The following EMCN variants were observed in gnomAD, a reference collection of about 807,000 sequenced individuals.
EMCN encodes the protein endomucin, also known as MUC-14.
EMCN carries 37 observed loss-of-function variants against 38.4 expected under a neutral mutation model. That is an observed-to-expected ratio of 0.96 (90% CI 0.74 to 1.27). EMCN has a LOEUF of 1.27. Among genes scored for constraint, EMCN ranks in the 50% most tolerant of loss-of-function variants. The pLI, the probability that EMCN is intolerant of heterozygous loss-of-function variation, is 0.00. For synonymous variants in EMCN, 95 were observed against 100.8 expected (o/e 0.94, Z 0.35); for missense variants, 318 against 302.8 (o/e 1.05, Z -0.37).
chr4:100,420,866 G>A (rs982703320), intron 8 of EMCN, among the ~76,000 whole-genome samples: 3 of 151,946 alleles, frequency 2.0e-5, no homozygotes, highest in Non-Finnish European at 4.4e-5. Context: ...TCCCAGGAGG[G>A]AAATTAGTCA....
intron 5 of EMCN, among the ~76,000 whole-genome samples, chr4:100,426,763 C>T (rs1279015060): frequency 6.6e-6 from 1 of 152,012 alleles, no homozygotes; most frequent in South Asian, 2.1e-4. Flanking sequence ...TTTTGGGAAG[C>T]CTAACTCTTC....
At chr4:100,475,224 T>C (rs894892028) in intron 2 of EMCN, 115 bp from the exon 3 acceptor site, 5 of 446,218 alleles carry the variant, frequency 1.1e-5, no homozygotes, top group Non-Finnish European at 2.0e-5. Context: ...CTATCTTTAA[T>C]TTTTCCCATT....
At chr4:100,463,898 C>G (rs930423931) in intron 4 of EMCN, among the ~76,000 whole-genome samples, 1 of 151,962 alleles carries the variant, frequency 6.6e-6, no homozygotes, top group African/African-American at 2.4e-5. Context: ...ATTCCAGGTC[C>G]TTTTTATTTC....
At chr4:100,502,986 A>C (rs1729390561) in intron 1 of EMCN, among the ~76,000 whole-genome samples, 1 of 152,130 alleles carries the variant, frequency 6.6e-6, no homozygotes, top group South Asian at 2.1e-4. Context: ...ATCTTTTTTC[A>C]TAATGGGATT....
At chr4:100,430,545 C>T (rs1251313010) in intron 5 of EMCN, among the ~76,000 whole-genome samples, 1 of 152,070 alleles carries the variant, frequency 6.6e-6, no homozygotes, top group Non-Finnish European at 1.5e-5. Context: ...TAAAGCGTGT[C>T]GTAGAGTTCA....
intron 2 of EMCN, among the ~76,000 whole-genome samples, chr4:100,475,835 G>A (rs561718161): frequency 2.0e-5 from 3 of 151,616 alleles, no homozygotes; most frequent in Non-Finnish European, 4.4e-5. Context: ...CCGCCACCAC[G>A]CCCGGCTAAT....
intron 4 of EMCN, among the ~76,000 whole-genome samples, chr4:100,454,811 G>T (rs1327106291): frequency 6.6e-6 from 1 of 151,968 alleles, no homozygotes; most frequent in African/African-American, 2.4e-5. Context: ...CTTTATCCCC[G>T]ATAAAACTCC....
At chr4:100,453,008 A>G (rs1027992068) in intron 4 of EMCN, among the ~76,000 whole-genome samples, 3 of 152,146 alleles carry the variant, frequency 2.0e-5, no homozygotes, top group African/African-American at 4.8e-5. Flanking sequence ...CCTTCCTTAC[A>G]TCTTATACAG....
At chr4:100,490,420 T>C (rs1233493049) in intron 1 of EMCN, among the ~76,000 whole-genome samples, 1 of 152,180 alleles carries the variant, frequency 6.6e-6, no homozygotes, top group Non-Finnish European at 1.5e-5. Flanking sequence ...ATACAGTGTT[T>C]ATACAGTCTA....
chr4:100,433,181 T>G (rs1355761003), intron 5 of EMCN, among the ~76,000 whole-genome samples: 1 of 152,220 alleles, frequency 6.6e-6, no homozygotes, highest in Non-Finnish European at 1.5e-5. Flanking sequence ...ATCTGAATTT[T>G]TCTTTTAGAT....
intron 4 of EMCN, among the ~76,000 whole-genome samples, chr4:100,456,992 T>C (rs1728035234): frequency 6.6e-6 from 1 of 152,194 alleles, no homozygotes. Flanking sequence ...TATGATAACG[T>C]AAAATTTTTA....
In EMCN at chr4:100,447,581, G is replaced by GA; in HGVS notation, c.377-11dup. On this transcript the variant is annotated splice_polypyrimidine_tract_variant and intron_variant, in intron 4 of 11. Transcript: ENST00000296420. ...GAACTCTGAGTTTCAGCTTTAGAAG[G>GA]AAAAAAAGAAAAAAAATCAGTACAA... 2 of 1,538,846 alleles carry GA rather than the reference G, an allele frequency of 1.3e-6. No individual in the cohort carries two copies. The highest frequency in any genetic ancestry group is 1.8e-6 in the Non-Finnish European group (2 of 1,119,624).
intron 11 of EMCN, among the ~76,000 whole-genome samples, chr4:100,405,524 T>C (rs1208963828): frequency 6.6e-6 from 1 of 152,156 alleles, no homozygotes; most frequent in Non-Finnish European, 1.5e-5. Flanking sequence ...ATTGCACTTA[T>C]TGATTTATGT....
intron 5 of EMCN, 98 bp downstream of exon 5, chr4:100,447,435 A>G (rs1727705933): frequency 2.4e-6 from 2 of 841,978 alleles, no homozygotes; most frequent in Non-Finnish European, 3.9e-6. Flanking sequence ...CCCTTGTGCT[A>G]TTTCTCCCTG....
At chr4:100,432,682 T>G (rs1303224576) in intron 5 of EMCN, among the ~76,000 whole-genome samples, 1 of 152,192 alleles carries the variant, frequency 6.6e-6, no homozygotes, top group African/African-American at 2.4e-5. Flanking sequence ...TTTTCTCATG[T>G]TAAGCATCAT....
intron 3 of EMCN, among the ~76,000 whole-genome samples, chr4:100,467,538 C>T (rs1415070464): frequency 1.3e-5 from 2 of 151,898 alleles, no homozygotes; most frequent in East Asian, 1.9e-4. Context: ...AAAAATTAGC[C>T]GGGCGTGGTG....
chr4:100,438,406 T>C lies in EMCN; in HGVS notation c.415+9127A>G, dbSNP rs185837708. Among the ~76,000 whole-genome samples the C allele has an allele frequency of 3.9e-5, 6 of 152,234 alleles. No homozygotes were observed. In the East Asian group the frequency reaches 1.2e-3, roughly 29 times the overall value. ...TTGTTTTTTTCAGTTAGATTGTTAT[T>C]TGTGTATGAAATGCTAGTACTTCTG... On this transcript the variant is annotated intron_variant, in intron 5 of 11. Coordinates refer to ENST00000296420, the MANE Select transcript of EMCN (RefSeq NM_016242.4).
chr4:100,431,390 A>G (rs1466417750), intron 5 of EMCN, among the ~76,000 whole-genome samples: 1 of 152,178 alleles, frequency 6.6e-6, no homozygotes, highest in Non-Finnish European at 1.5e-5. Flanking sequence ...GGATAAGGCT[A>G]ACATTTGAAT....
At chr4:100,513,213 G>C (rs1478348167) in intron 1 of EMCN, among the ~76,000 whole-genome samples, 1 of 152,120 alleles carries the variant, frequency 6.6e-6, no homozygotes, top group African/African-American at 2.4e-5. Context: ...AGTGGAGAAA[G>C]AATGCAAAGA....
Sources: allele counts gnomAD v4.1 joint callset (sites outside exome capture counted in the v4.1 genomes callset), GRCh38; gene constraint gnomAD v4.1.1; transcripts MANE v1.5; gene names NCBI Gene and HGNC (gene_info 2026-07-23, HGNC 2026-07-21).